Variants in BORCS5 observed in about 807,000 individuals in gnomAD.
BORCS5 encodes BLOC-1-related complex subunit 5.
In BORCS5, 17 loss-of-function variants were observed where a neutral mutation model predicts 22.1. That is an observed-to-expected ratio of 0.77 (90% CI 0.53 to 1.15). BORCS5 has a LOEUF of 1.15. Among genes scored for constraint, BORCS5 ranks in the 50% most tolerant of loss-of-function variants. The probability of loss-of-function intolerance (pLI) is 0.00; values close to 1 mark genes in which losing one functional copy is unlikely to be tolerated. For missense variants in BORCS5, 247 were observed against 253.2 expected, an observed-to-expected ratio of 0.98 and a Z score of 0.17; for synonymous variants, 117 against 99.8, an observed-to-expected ratio of 1.17 and a Z score of -1.03.
chr12:12,382,181 G>A (rs1863787933), intron 2 of BORCS5, among the ~76,000 whole-genome samples: 2 of 151,422 alleles, frequency 1.3e-5, no homozygotes, highest in African/African-American at 2.4e-5. Context: ...AGCTGTATAA[G>A]AAGTGTGGCA....
chr12:12,427,593 C>T (rs1189863746), intron 2 of BORCS5, among the ~76,000 whole-genome samples: 1 of 152,110 alleles, frequency 6.6e-6, no homozygotes, highest in Non-Finnish European at 1.5e-5. Context: ...GACCAATAGA[C>T]TCGAAAATTT....
At chr12:12,414,663 C>A (rs1385868139) in intron 2 of BORCS5, among the ~76,000 whole-genome samples, 1 of 93,376 alleles carries the variant, frequency 1.1e-5, no homozygotes, top group South Asian at 2.7e-4. Context: ...ACCTCCCGGA[C>A]GGGGCGGCTG....
intron 3 of BORCS5, among the ~76,000 whole-genome samples, chr12:12,440,483 A>G (rs546701713): frequency 6.6e-6 from 1 of 152,314 alleles, no homozygotes; most frequent in East Asian, 1.9e-4. Flanking sequence ...GAAGATATAC[A>G]GAACAGAAAT....
At chr12:12,420,547 T>G (rs1192814186) in intron 2 of BORCS5, among the ~76,000 whole-genome samples, 3 of 152,226 alleles carry the variant, frequency 2.0e-5, no homozygotes, top group Non-Finnish European at 4.4e-5. Context: ...TGGTTCCATA[T>G]GAACTTTCAA....
intron 3 of BORCS5, among the ~76,000 whole-genome samples, chr12:12,436,274 A>G (rs1942552985): frequency 6.6e-6 from 1 of 152,228 alleles, no homozygotes; most frequent in African/African-American, 2.4e-5. Context: ...GGTTTTATGG[A>G]AACAATTACG....
intron 2 of BORCS5, among the ~76,000 whole-genome samples, chr12:12,394,720 T>A (rs1413213670): frequency 3.3e-5 from 5 of 151,870 alleles, no homozygotes; most frequent in African/African-American, 7.3e-5. Flanking sequence ...ATGGTTGACT[T>A]AAAGTGTAGG....
chr12:12,464,609 G>GGT (rs1943166215), intron 3 of BORCS5, among the ~76,000 whole-genome samples: 1 of 152,114 alleles, frequency 6.6e-6, no homozygotes, highest in Non-Finnish European at 1.5e-5. Context: ...AGAAACAAGG[G>GGT]GTGAGGGGGT....
At chr12:12,395,435 A>ATTTTTTTT (rs59277387) in intron 2 of BORCS5, among the ~76,000 whole-genome samples, 859 of 107,566 alleles carry the variant, frequency 8.0e-3, no homozygotes, top group African/African-American at 0.017. Context: ...CACCCAGCTA[A>ATTTTTTTT]TTTTTTTTTT....
rs574996874 is a variant in BORCS5 at position 12,460,656 on chromosome 12, C to T, written c.361-4890C>T. On this transcript the variant is annotated intron_variant, in intron 3 of 3. Coordinates refer to ENST00000314565, the MANE Select transcript of BORCS5 (RefSeq NM_058169.6). ...CACTTTATCAGGTTGAGGAAGTTTCCTTCTGTTCCTACTTTGCTGAAAATT... is the reference window on the plus strand; with the variant it reads ...CACTTTATCAGGTTGAGGAAGTTTCTTTCTGTTCCTACTTTGCTGAAAATT... Among the ~76,000 whole-genome samples the T allele has an allele frequency of 9.2e-5, 14 of 152,276 alleles. 1 individual carries two copies. In the South Asian group the frequency reaches 2.9e-3, roughly 32 times the overall value.
chr12:12,399,372 T>G (rs1226785432), intron 2 of BORCS5, among the ~76,000 whole-genome samples: 1 of 152,160 alleles, frequency 6.6e-6, no homozygotes, highest in Non-Finnish European at 1.5e-5. Context: ...AAATCAACAC[T>G]CACTCTCCAG....
chr12:12,411,614 A>G (rs896701325), intron 2 of BORCS5, among the ~76,000 whole-genome samples: 10 of 152,030 alleles, frequency 6.6e-5, no homozygotes, highest in African/African-American at 2.4e-4. Context: ...TAAAATTTTC[A>G]TTGTCCAATC....
chr12:12,451,916 CA>C (rs1237474931), intron 3 of BORCS5, among the ~76,000 whole-genome samples: 12 of 85,504 alleles, frequency 1.4e-4, no homozygotes, highest in South Asian at 3.7e-4. Flanking sequence ...GACTCTTTCT[CA>C]AAAAAAAAAA....
intron 2 of BORCS5, among the ~76,000 whole-genome samples, chr12:12,401,642 T>C (rs996087127): frequency 1.3e-5 from 2 of 152,198 alleles, no homozygotes; most frequent in South Asian, 2.1e-4. Context: ...GCTATATTTT[T>C]CCTTCTAGTG....
chr12:12,435,872 C>A, intron 3 of BORCS5, 87 bp downstream of exon 3: 1 of 1,363,606 alleles, frequency 7.3e-7, no homozygotes, highest in South Asian at 1.4e-5. Flanking sequence ...TGACATTTGT[C>A]ACTATTGCTT....
chr12:12,459,420 C>T (rs1395314831), intron 3 of BORCS5, among the ~76,000 whole-genome samples: 1 of 151,920 alleles, frequency 6.6e-6, no homozygotes, highest in Non-Finnish European at 1.5e-5. Flanking sequence ...AAGTGATTCT[C>T]CTGCCTCAGC....
At chr12:12,422,248 A>G (rs900981903) in intron 2 of BORCS5, among the ~76,000 whole-genome samples, 6 of 152,168 alleles carry the variant, frequency 3.9e-5, no homozygotes, top group South Asian at 2.1e-4. Context: ...TGGTAACACA[A>G]TAATTTGAAT....
chr12:12,360,431 G>T (rs1046941801), intron 1 of BORCS5, among the ~76,000 whole-genome samples: 1 of 151,994 alleles, frequency 6.6e-6, no homozygotes, highest in Non-Finnish European at 1.5e-5. Context: ...TGAGACTCTT[G>T]CTGTCTTACC....
intron 2 of BORCS5, among the ~76,000 whole-genome samples, chr12:12,375,793 A>T (rs1391889798): frequency 1.3e-5 from 2 of 151,684 alleles, no homozygotes; most frequent in South Asian, 4.1e-4. Flanking sequence ...AAAAGTTAGT[A>T]ATCATGGTTT....
chr12:12,453,534 G>A (rs1370342542), intron 3 of BORCS5, among the ~76,000 whole-genome samples: 2 of 152,152 alleles, frequency 1.3e-5, no homozygotes, highest in Admixed American at 6.5e-5. Flanking sequence ...TCGTAAACTC[G>A]AAAGTGGCCA....
Sources: allele counts gnomAD v4.1 joint callset (sites outside exome capture counted in the v4.1 genomes callset), GRCh38; gene constraint gnomAD v4.1.1; transcripts MANE v1.5; gene names NCBI Gene and HGNC (gene_info 2026-07-23, HGNC 2026-07-21).